PTPRD: variants seen among roughly 807,000 people sequenced by gnomAD.
The protein encoded by PTPRD is protein tyrosine phosphatase receptor type D.
Under a neutral mutation model 214.5 loss-of-function variants are expected in PTPRD, and 34 were observed. That is an observed-to-expected ratio of 0.16 (90% CI 0.12 to 0.21). The LOEUF is 0.21. Ranked by LOEUF, PTPRD falls within the 10% of genes least tolerant of loss-of-function variation. The pLI, the probability that PTPRD is intolerant of heterozygous loss-of-function variation, is 1.00. For missense variants in PTPRD, 2,545 were observed against 2,398.7 expected (o/e 1.06, Z -1.27); for synonymous variants, 1,128 against 845.7 (o/e 1.33, Z -5.79).
chr9:9,769,438 G>A (rs1049479350), intron 5 of PTPRD, among the ~76,000 whole-genome samples: 2 of 141,296 alleles, frequency 1.4e-5, no homozygotes, highest in Admixed American at 7.8e-5. Flanking sequence ...CCATTCTCCT[G>A]CCTCAGCCTC....
At chr9:8,375,884 G>C (rs2083098230) in intron 39 of PTPRD, 52 bp downstream of exon 39, 1 of 1,573,422 alleles carries the variant, frequency 6.4e-7, no homozygotes, top group South Asian at 1.2e-5. Flanking sequence ...CATCCAATGA[G>C]AGTCAATTTA....
chr9:10,023,907 ATATAATGAT>A (rs1218802826), intron 4 of PTPRD, among the ~76,000 whole-genome samples: 2 of 150,640 alleles, frequency 1.3e-5, no homozygotes, highest in Non-Finnish European at 3.0e-5. Flanking sequence ...GTGGTTTACA[ATATAATGAT>A]TATGAATTAC....
intron 12 of PTPRD, among the ~76,000 whole-genome samples, chr9:8,733,398 T>A (rs1004489): frequency 0.11 from 16,463 of 152,186 alleles, 2,448 homozygotes; most frequent in African/African-American, 0.34. Context: ...AAACACGGAA[T>A]GATCCACAAA....
At chr9:8,852,904 G>T (rs1270536886) in intron 11 of PTPRD, among the ~76,000 whole-genome samples, 1 of 152,164 alleles carries the variant, frequency 6.6e-6, no homozygotes, top group Non-Finnish European at 1.5e-5. Flanking sequence ...ATCATTTTGT[G>T]AGGGAGGAGG....
chr9:8,628,493 T>C (rs1174934978), intron 14 of PTPRD, among the ~76,000 whole-genome samples: 1 of 151,730 alleles, frequency 6.6e-6, no homozygotes, highest in Non-Finnish European at 1.5e-5. Context: ...GGAGCAAATT[T>C]TTTCCATCTT....
At chr9:10,218,386 T>A (rs1374300389) in intron 3 of PTPRD, among the ~76,000 whole-genome samples, 1 of 151,880 alleles carries the variant, frequency 6.6e-6, no homozygotes, top group African/African-American at 2.4e-5. Context: ...TTTTAAAATA[T>A]AGTTTTTAGA....
chr9:8,497,324 A>T, intron 25 of PTPRD, 56 bp from the exon 26 acceptor site: 1 of 1,484,106 alleles, frequency 6.7e-7, no homozygotes. Flanking sequence ...AAAGAATTTA[A>T]AGCCTTATAC....
At chr9:9,967,014 T>C (rs548257212) in intron 4 of PTPRD, among the ~76,000 whole-genome samples, 4 of 152,204 alleles carry the variant, frequency 2.6e-5, no homozygotes, top group Admixed American at 1.3e-4. Flanking sequence ...AGATCACAGA[T>C]AGGAGATAGC....
chr9:9,150,155 T>G (rs1282072843), intron 10 of PTPRD, among the ~76,000 whole-genome samples: 1 of 152,118 alleles, frequency 6.6e-6, no homozygotes, highest in African/African-American at 2.4e-5. Flanking sequence ...TGCCTAGCCA[T>G]AAGAAATTAT....
chr9:9,171,251 G>C (rs986795259), intron 10 of PTPRD, among the ~76,000 whole-genome samples: 80 of 152,058 alleles, frequency 5.3e-4, no homozygotes, highest in African/African-American at 1.9e-3. Context: ...ATAACTCTGA[G>C]TTTCTTTGTT....
At chr9:9,578,272 G>A (rs899674784) in intron 7 of PTPRD, among the ~76,000 whole-genome samples, 3 of 152,048 alleles carry the variant, frequency 2.0e-5, no homozygotes, top group African/African-American at 7.2e-5. Flanking sequence ...CAGAAATCTT[G>A]AAAAGTTATA....
intron 10 of PTPRD, among the ~76,000 whole-genome samples, chr9:9,128,821 G>A (rs938917199): frequency 2.6e-5 from 4 of 152,180 alleles, no homozygotes; most frequent in African/African-American, 7.2e-5. Flanking sequence ...AGAAGTTAGC[G>A]TAGTATACAA....
At chr9:10,381,376 T>A (rs145176802) in intron 2 of PTPRD, among the ~76,000 whole-genome samples, 1 of 152,130 alleles carries the variant, frequency 6.6e-6, no homozygotes, top group African/African-American at 2.4e-5. Context: ...TAAGCCAGAT[T>A]CATCATTTCT....
chr9:10,505,656 A>G (rs939289175), intron 2 of PTPRD, among the ~76,000 whole-genome samples: 4 of 151,682 alleles, frequency 2.6e-5, no homozygotes, highest in Admixed American at 6.6e-5. Context: ...ATCTTTCTCC[A>G]CATCTTTCTT....
chr9:8,408,497 G>T (rs192779514), intron 35 of PTPRD, among the ~76,000 whole-genome samples: 3 of 152,056 alleles, frequency 2.0e-5, no homozygotes, highest in African/African-American at 7.2e-5. Context: ...TTCAGTCTCC[G>T]TTGTGGAGAA....
At chr9:9,199,535 T>C (rs1395422607) in intron 9 of PTPRD, among the ~76,000 whole-genome samples, 2 of 152,040 alleles carry the variant, frequency 1.3e-5, no homozygotes, top group Admixed American at 1.3e-4. Context: ...AGACTAAATA[T>C]AAATGGTGAG....
intron 12 of PTPRD, among the ~76,000 whole-genome samples, chr9:8,657,575 C>G (rs762236199): frequency 6.6e-6 from 1 of 152,078 alleles, no homozygotes; most frequent in Non-Finnish European, 1.5e-5. Context: ...AAAATTTTCT[C>G]CCGTTCTGTA....
At chr9:9,498,958 TCC>T (rs1288106017) in intron 8 of PTPRD, among the ~76,000 whole-genome samples, 1 of 151,998 alleles carries the variant, frequency 6.6e-6, no homozygotes, top group African/African-American at 2.4e-5. Context: ...TCTCTCTCTC[TCC>T]CTCTCTCACT....
chr9:10,477,751 C>A (rs1335846292), intron 2 of PTPRD, among the ~76,000 whole-genome samples: 2 of 152,044 alleles, frequency 1.3e-5, no homozygotes, highest in East Asian at 1.9e-4. Context: ...CAGTGATACA[C>A]TGGATAAAGA....
Sources: gnomAD v4.1 joint callset for allele counts (sites outside exome capture counted in the v4.1 genomes callset) on GRCh38, gnomAD v4.1.1 for gene constraint, MANE v1.5 for transcripts, NCBI Gene and HGNC (gene_info 2026-07-23, HGNC 2026-07-21) for gene names.